Variants in UGT3A1 observed in about 807,000 individuals in gnomAD.
UGT3A1 encodes UDP-glycosyltransferase 3A1.
Under a neutral mutation model 37.6 loss-of-function variants are expected in UGT3A1, and 40 were observed. The ratio of observed to expected loss-of-function variants is 1.06; its 90% confidence interval spans 0.83 to 1.38. The LOEUF (loss-of-function observed/expected upper bound fraction) is 1.38. Ranked by LOEUF, UGT3A1 falls within the 40% of genes most tolerant of loss-of-function variation. The pLI is 0.00. For missense variants in UGT3A1, 642 were observed against 634.2 expected (o/e 1.01, Z -0.13); for synonymous variants, 256 against 232.3 (o/e 1.10, Z -0.93).
intron 4 of UGT3A1, among the ~76,000 whole-genome samples, chr5:35,960,318 G>A (rs1187991901): frequency 2.6e-5 from 4 of 152,324 alleles, no homozygotes; most frequent in African/African-American, 9.6e-5. Flanking sequence ...GTGTAGTACT[G>A]CCATAAAGAT....
rs1367192043 is a variant in UGT3A1 at position 35,999,110 on chromosome 5, G to A, written c.-159-1781C>T. ...AAGTTAGCCGGGCATGGTGGCCGGCGCCTGTATTCCCAGCTACTCGGGAGG... is the reference window on the plus strand; with the variant it reads ...AAGTTAGCCGGGCATGGTGGCCGGCACCTGTATTCCCAGCTACTCGGGAGG... On this transcript the variant is annotated intron_variant, in intron 1 of 5. Transcript: ENST00000625798. Among the ~76,000 whole-genome samples, 6 of 151,740 alleles carry A rather than the reference G, an allele frequency of 4.0e-5. No individual in the cohort carries two copies. The South Asian group carries it at 6.3e-4, about 16-fold the overall frequency.
intron 5 of UGT3A1, 115 bp downstream of exon 5, chr5:35,957,073 A>T: frequency 1.3e-6 from 1 of 778,662 alleles, no homozygotes; most frequent in Non-Finnish European, 2.1e-6. Flanking sequence ...CATTACCTTT[A>T]CCTATGAGTA....
intron 2 of UGT3A1, among the ~76,000 whole-genome samples, chr5:35,972,934 A>T (rs1161580011): frequency 2.6e-5 from 4 of 152,150 alleles, no homozygotes; most frequent in African/African-American, 9.7e-5. Context: ...TGTTTGTGAA[A>T]ATCAAACCCA....
chr5:35,984,472 ATTT>A (rs35556767), intron 2 of UGT3A1, among the ~76,000 whole-genome samples: 2 of 135,488 alleles, frequency 1.5e-5, no homozygotes, highest in Non-Finnish European at 1.6e-5. Flanking sequence ...ATCTCACAGA[ATTT>A]TTTTTTTTTT....
At position 35,988,521 on chromosome 5, in the gene UGT3A1, AC is replaced by A. The variant is rs1352374987; in HGVS notation, c.124del (p.Val42CysfsTer12). On this transcript the variant is annotated frameshift_variant, in exon 2 of 7. Coordinates refer to ENST00000274278, the MANE Select transcript of UGT3A1 (RefSeq NM_152404.4). LOFTEE classifies it high-confidence loss of function. Reference sequence around the variant, plus strand: ...ACCATGCTCTTGAAGAATCTGAGACACCCGGTCCAACAGTAGGTAATGGCTT... The same window carrying A: ...ACCATGCTCTTGAAGAATCTGAGACACCGGTCCAACAGTAGGTAATGGCTT... Reference protein sequence around the residue: ...GGSHYLLLDRVSQILQEHGHN... With the variant: ...GGSHYLLLDRXSQILQEHGHN... 6.2e-7 allele frequency: 1 copy of A among 1,613,586 alleles called. No individual in the cohort carries two copies. The highest frequency in any genetic ancestry group is 8.5e-7 in the Non-Finnish European group (1 of 1,179,764).
chr5:35,975,620 C>T (rs1740234338), intron 2 of UGT3A1, among the ~76,000 whole-genome samples: 2 of 152,274 alleles, frequency 1.3e-5, no homozygotes, highest in South Asian at 4.1e-4. Context: ...TTACCATGTT[C>T]CCCACCATCC....
intron 2 of UGT3A1, 27 bp from the exon 3 acceptor site, chr5:35,968,160 G>C (rs1157940759): frequency 7.2e-7 from 1 of 1,388,028 alleles, no homozygotes; most frequent in Non-Finnish European, 1.0e-6. Context: ...TGGTTAAAAA[G>C]GTAAATATAT....
chr5:35,992,448 C>G (rs1335296961), upstream of UGT3A1, among the ~76,000 whole-genome samples: 1 of 152,042 alleles, frequency 6.6e-6, no homozygotes, highest in Non-Finnish European at 1.5e-5. Context: ...CCAGGCTTCA[C>G]AAGACTCCAG....
chr5:35,980,900 G>A (rs547583505), intron 2 of UGT3A1, among the ~76,000 whole-genome samples: 1 of 152,228 alleles, frequency 6.6e-6, no homozygotes, highest in Non-Finnish European at 1.5e-5. Context: ...CCCAGTGGCT[G>A]AATTAGAAAT....
Position 35,991,288 on chromosome 5 carries a change from G to T in UGT3A1, c.-48C>A. On this transcript the variant is annotated 5_prime_UTR_variant, in exon 1 of 7. Coordinates refer to ENST00000274278, the MANE Select transcript of UGT3A1 (RefSeq NM_152404.4). ...GATCTCAGCCTGGGCTGCGCGCCCTGCGCCGGGCTAAGGACTCTGTGCGCG... is the reference window on the plus strand; with the variant it reads ...GATCTCAGCCTGGGCTGCGCGCCCTTCGCCGGGCTAAGGACTCTGTGCGCG... 1 of 1,612,152 alleles carries T rather than the reference G, an allele frequency of 6.2e-7. No individual in the cohort carries two copies. The highest frequency in any genetic ancestry group is 8.5e-7 in the Non-Finnish European group (1 of 1,178,898).
chr5:35,988,902 A>G (rs1007172273), intron 1 of UGT3A1, among the ~76,000 whole-genome samples: 6 of 152,330 alleles, frequency 3.9e-5, no homozygotes, highest in African/African-American at 1.4e-4. Context: ...TTGGGGCCTT[A>G]GAGAGATATT....
Position 35,955,818 on chromosome 5 carries a change from G to C in UGT3A1, c.1122C>G (p.Ser374Arg). The C allele has an allele frequency of 6.2e-7, 1 of 1,614,220 alleles. No homozygotes were observed. Among genetic ancestry groups the C allele is most frequent in the Non-Finnish European group, 8.5e-7 (1 of 1,180,048 alleles). Residue 374 changes from serine (S) to arginine (R), a missense_variant, in exon 6 of 7, where the codon AGC becomes AGG. By Grantham distance (110) the Ser-to-Arg change is moderately radical. Coordinates refer to ENST00000274278, the MANE Select transcript of UGT3A1 (RefSeq NM_152404.4). Reference protein sequence around the residue: ...RLFVTHGGQNSVMEAIRHGVP... With the variant: ...RLFVTHGGQNRVMEAIRHGVP... ...CACCATGACGGATGGCCTCCATTAC[G>C]CTGTTCTGCCCACCATGAGTGACAA...
intron 2 of UGT3A1, among the ~76,000 whole-genome samples, chr5:35,974,540 T>A (rs1201461892): frequency 6.6e-6 from 1 of 152,172 alleles, no homozygotes. Flanking sequence ...TCCCATCACA[T>A]CCCTATTCAA....
chr5:35,994,783 A>C (rs2111581037), upstream of UGT3A1, among the ~76,000 whole-genome samples: 1 of 152,358 alleles, frequency 6.6e-6, no homozygotes, highest in Non-Finnish European at 1.5e-5. Context: ...AAATCCAAAA[A>C]GGAACTCTAA....
intron 5 of UGT3A1, among the ~76,000 whole-genome samples, 173 bp from the exon 6 acceptor site, chr5:35,956,037 G>A (rs1739344006): frequency 6.6e-6 from 1 of 152,210 alleles, no homozygotes; most frequent in Non-Finnish European, 1.5e-5. Context: ...CAAGATTCAA[G>A]CCTCCCTTTC....
intron 1 of UGT3A1, 82 bp downstream of exon 1, chr5:35,991,065 G>C: frequency 1.2e-6 from 2 of 1,613,692 alleles, no homozygotes; most frequent in Non-Finnish European, 1.7e-6. Flanking sequence ...GGATAACTCT[G>C]ATCAATCGCC....
In UGT3A1 at chr5:35,965,594, C is replaced by T; in HGVS notation, c.635G>A (p.Arg212Lys). 6.2e-7 allele frequency: 1 copy of T among 1,614,168 alleles called. No individual in the cohort carries two copies. Among genetic ancestry groups the T allele is most frequent in the Non-Finnish European group, 8.5e-7 (1 of 1,180,028 alleles). Residue 212 changes from arginine (R) to lysine (K), a missense_variant, in exon 4 of 7, where the codon AGG becomes AAG. Coordinates refer to ENST00000274278, the MANE Select transcript of UGT3A1 (RefSeq NM_152404.4). Reference sequence around the variant, plus strand: ...TGTAGACTGCATGTCCCATTGGCTCCTGGAGAAACTAAAGAACATCAGAAA... The same window carrying T: ...TGTAGACTGCATGTCCCATTGGCTCTTGGAGAAACTAAAGAACATCAGAAA... ...KNFLMFFSFS[R>K]SQWDMQSTFD...
upstream of UGT3A1, among the ~76,000 whole-genome samples, chr5:35,996,286 A>G (rs916055377): frequency 6.6e-6 from 1 of 152,188 alleles, no homozygotes; most frequent in Non-Finnish European, 1.5e-5. Flanking sequence ...TCGCTTCTCC[A>G]AATATTCTAT....
upstream of UGT3A1, among the ~76,000 whole-genome samples, chr5:35,991,865 T>C (rs933581259): frequency 1.3e-5 from 2 of 152,194 alleles, no homozygotes; most frequent in Non-Finnish European, 2.9e-5. Context: ...GTTCTAATTC[T>C]GAAAGTCACT....
Sources: allele counts gnomAD v4.1 joint callset (sites outside exome capture counted in the v4.1 genomes callset), GRCh38; gene constraint gnomAD v4.1.1; transcripts MANE v1.5; gene names NCBI Gene and HGNC (gene_info 2026-07-23, HGNC 2026-07-21).